Variants in EPM2A observed in about 807,000 individuals in gnomAD.
EPM2A encodes EPM2A glucan phosphatase, laforin, also known as laforin.
EPM2A carries 21 observed loss-of-function variants against 26.5 expected under a neutral mutation model. The ratio of observed to expected loss-of-function variants is 0.79; its 90% confidence interval spans 0.56 to 1.14. The LOEUF is 1.14. EPM2A is among the 50% of genes most tolerant of loss of function. The probability of loss-of-function intolerance (pLI) is 0.00; values close to 1 mark genes in which losing one functional copy is unlikely to be tolerated. For missense variants in EPM2A, 458 were observed against 440.8 expected, an observed-to-expected ratio of 1.04 and a Z score of -0.35; for synonymous variants, 217 against 177.6, an observed-to-expected ratio of 1.22 and a Z score of -1.76.
intron 2 of EPM2A, among the ~76,000 whole-genome samples, chr6:145,609,875 C>G (rs893179212): frequency 7.1e-4 from 108 of 152,158 alleles, no homozygotes; most frequent in Non-Finnish European, 7.2e-4. Context: ...TGGAAGGGAC[C>G]TTGGAATTTA....
chr6:145,725,443 C>T (rs1164135134), intron 1 of EPM2A, among the ~76,000 whole-genome samples: 1 of 151,958 alleles, frequency 6.6e-6, no homozygotes, highest in East Asian at 1.9e-4. Context: ...AGATATCTAC[C>T]CACTGATATA....
rs878952016 is a variant in EPM2A at position 145,424,009 on chromosome 6, G to A, written c.556-39912C>T. On this transcript the variant is annotated intron_variant, in intron 4 of 4. Coordinates refer to the EPM2A transcript ENST00000638717. Reference sequence around the variant, plus strand: ...AGCCAATGGGGCCCATCAACAAGGTGAAATAGCTATGTTCCCCAGAGTACT... The same window carrying A: ...AGCCAATGGGGCCCATCAACAAGGTAAAATAGCTATGTTCCCCAGAGTACT... 1.2e-4 allele frequency among the ~76,000 whole-genome samples: 18 copies of A among 152,182 alleles called. 1 individual carries two copies. Among genetic ancestry groups the A allele is most frequent in the African/African-American group, 3.6e-4 (15 of 41,444 alleles).
chr6:145,491,862 A>C, intron 4 of EPM2A: 2 of 516,122 alleles, frequency 3.9e-6, no homozygotes, highest in Non-Finnish European at 3.9e-6. Flanking sequence ...AGGTCATTTT[A>C]CCAACAACTT....
At chr6:145,435,868 A>G (rs1778983070) in intron 4 of EPM2A, among the ~76,000 whole-genome samples, 2 of 152,088 alleles carry the variant, frequency 1.3e-5, no homozygotes, top group African/African-American at 4.8e-5. Flanking sequence ...AGAGTTTTTT[A>G]TACCCCTGTG....
intron 2 of EPM2A, among the ~76,000 whole-genome samples, chr6:145,506,483 G>A (rs1035381125): frequency 6.6e-6 from 1 of 151,792 alleles, no homozygotes; most frequent in Admixed American, 6.6e-5. Flanking sequence ...GCACAGGAAA[G>A]GCAAGGTAAA....
intron 2 of EPM2A, among the ~76,000 whole-genome samples, chr6:145,578,451 T>G (rs1338809369): frequency 1.3e-5 from 2 of 152,094 alleles, no homozygotes; most frequent in Non-Finnish European, 2.9e-5. Context: ...AAGAAATGGA[T>G]AAACTCTCAG....
chr6:145,455,360 A>C (rs936948664), intron 4 of EPM2A, among the ~76,000 whole-genome samples: 1 of 152,086 alleles, frequency 6.6e-6, no homozygotes. Context: ...CAACTAAAAA[A>C]ATTTTTTTCT....
At chr6:145,387,281 T>A (rs1476438548) in intron 4 of EPM2A, among the ~76,000 whole-genome samples, 3 of 152,154 alleles carry the variant, frequency 2.0e-5, no homozygotes, top group African/African-American at 7.2e-5. Context: ...CAACACCTTC[T>A]ACATCTCAAA....
intron 2 of EPM2A, among the ~76,000 whole-genome samples, chr6:145,544,623 A>T (rs1392604150): frequency 6.6e-6 from 1 of 152,150 alleles, no homozygotes; most frequent in African/African-American, 2.4e-5. Context: ...CTTCCTAATA[A>T]AAGTGATAGG....
At chr6:145,540,154 G>T (rs1325530880) in intron 2 of EPM2A, among the ~76,000 whole-genome samples, 1 of 152,092 alleles carries the variant, frequency 6.6e-6, no homozygotes, top group Non-Finnish European at 1.5e-5. Context: ...CCCTCCTCTT[G>T]AGAACAGTGA....
At chr6:145,650,468 C>T (rs1440790164) in intron 2 of EPM2A, among the ~76,000 whole-genome samples, 1 of 151,766 alleles carries the variant, frequency 6.6e-6, no homozygotes. Flanking sequence ...ACAAGGATCA[C>T]TTGAACCCAG....
chr6:145,577,787 C>T (rs1336619308), intron 2 of EPM2A, among the ~76,000 whole-genome samples: 1 of 151,878 alleles, frequency 6.6e-6, no homozygotes, highest in Non-Finnish European at 1.5e-5. Flanking sequence ...CCAGGATAGA[C>T]CATCTGTTAA....
chr6:145,710,264 T>C (rs1409712755), intron 1 of EPM2A, among the ~76,000 whole-genome samples: 2 of 152,042 alleles, frequency 1.3e-5, no homozygotes, highest in East Asian at 3.9e-4. Flanking sequence ...CTCAAATAAA[T>C]TTACAAGAAA....
chr6:145,640,693 A>G (rs1777024167), intron 2 of EPM2A: 1 of 152,190 alleles, frequency 6.6e-6, no homozygotes. Context: ...AATAATGAGT[A>G]AAGGGAAAAA....
chr6:145,383,998 G>T, exon 5 of EPM2A: 1 of 151,984 alleles, frequency 6.6e-6, no homozygotes, highest in East Asian at 1.9e-4. Flanking sequence ...ATTCCTTGTA[G>T]TCATGACAGA....
At chr6:145,522,110 G>C (rs1399997127) in intron 2 of EPM2A, among the ~76,000 whole-genome samples, 1 of 151,980 alleles carries the variant, frequency 6.6e-6, no homozygotes, top group East Asian at 1.9e-4. Context: ...CCATCACCAC[G>C]CCCAGCCATT....
Position 145,720,641 on chromosome 6 carries a change from T to TA in EPM2A, c.301+14556dup, listed in dbSNP as rs560356356. ...CTGATTGTCATATTCATCAAACAGA[T>TA]AGACTTTTGCTGACTCCAAACAACA... On this transcript the variant is annotated intron_variant, in intron 1 of 3. Coordinates refer to ENST00000367519, the MANE Select transcript of EPM2A (RefSeq NM_005670.4). Among the ~76,000 whole-genome samples the TA allele has an allele frequency of 4.2e-3, 634 of 152,316 alleles. 2 individuals are homozygous for TA. Among genetic ancestry groups the TA allele is most frequent in the Non-Finnish European group, 5.6e-3 (378 of 68,024 alleles).
At chr6:145,476,448 T>C (rs1486135458) in intron 4 of EPM2A, among the ~76,000 whole-genome samples, 1 of 152,058 alleles carries the variant, frequency 6.6e-6, no homozygotes, top group Non-Finnish European at 1.5e-5. Context: ...ATAGACTAAA[T>C]GGATCTAAAT....
At chr6:145,535,631 G>T (rs747878793) in intron 2 of EPM2A, among the ~76,000 whole-genome samples, 1 of 152,082 alleles carries the variant, frequency 6.6e-6, no homozygotes, top group South Asian at 2.1e-4. Context: ...AGCAAATAAG[G>T]AACAATAAAG....
Sources: allele counts gnomAD v4.1 joint callset (sites outside exome capture counted in the v4.1 genomes callset), GRCh38; gene constraint gnomAD v4.1.1; transcripts MANE v1.5; gene names NCBI Gene and HGNC (gene_info 2026-07-23, HGNC 2026-07-21).